RAPGEF5: variants seen among roughly 807,000 people sequenced by gnomAD.
The protein encoded by RAPGEF5 is Rap guanine nucleotide exchange factor 5, also known as M-Ras-regulated GEF.
A neutral mutation model predicts 125.2 loss-of-function variants in RAPGEF5; 65 were observed. The ratio of observed to expected loss-of-function variants is 0.52; its 90% confidence interval spans 0.43 to 0.64. The LOEUF (loss-of-function observed/expected upper bound fraction) is 0.64, where lower values mean the gene tolerates loss of function less well. Among genes scored for constraint, RAPGEF5 ranks in the 30% least tolerant of loss-of-function variants. The pLI, the probability that RAPGEF5 is intolerant of heterozygous loss-of-function variation, is 0.00. For synonymous variants in RAPGEF5, 391 were observed against 385.9 expected, an observed-to-expected ratio of 1.01 and a Z score of -0.16; for missense variants, 958 against 1,048.1, an observed-to-expected ratio of 0.91 and a Z score of 1.19.
rs964350021 is a variant in RAPGEF5 at position 22,276,615 on chromosome 7, G to A, written c.748-9603C>T. Among the ~76,000 whole-genome samples the A allele has an allele frequency of 1.9e-4, 29 of 152,152 alleles. 1 individual carries two copies. Among genetic ancestry groups the A allele is most frequent in the Admixed American group, 6.5e-5 (1 of 15,270 alleles). ...GACTGTTTCCAGCTAGAAATTCTAC[G>A]CATAAAAACTGCTAACAAGTGAAGC... On this transcript the variant is annotated intron_variant, in intron 6 of 25. Transcript: ENST00000665637.
intron 7 of RAPGEF5, among the ~76,000 whole-genome samples, chr7:22,260,192 A>G (rs1402320417): frequency 6.6e-6 from 1 of 152,202 alleles, no homozygotes; most frequent in Non-Finnish European, 1.5e-5. Context: ...TCTGTATGAC[A>G]CTATAATGGT....
chr7:22,248,761 G>A (rs142141310), intron 7 of RAPGEF5, among the ~76,000 whole-genome samples: 224 of 152,310 alleles, frequency 1.5e-3, no homozygotes, highest in African/African-American at 4.7e-3. Flanking sequence ...CCGGAACTAG[G>A]AGGTAGGAAA....
chr7:22,130,776 T>C (rs1371691281), intron 24 of RAPGEF5, among the ~76,000 whole-genome samples: 1 of 152,208 alleles, frequency 6.6e-6, no homozygotes, highest in Non-Finnish European at 1.5e-5. Context: ...CTTATCATAT[T>C]CCATTTTTAA....
At chr7:22,266,593 A>G (rs1782287852) in intron 7 of RAPGEF5, among the ~76,000 whole-genome samples, 1 of 152,106 alleles carries the variant, frequency 6.6e-6, no homozygotes, top group African/African-American at 2.4e-5. Context: ...AAAAAAGACC[A>G]CCTCTATAGT....
Position 22,272,599 on chromosome 7 carries a change from A to G in RAPGEF5, c.748-5587T>C, listed in dbSNP as rs368769132. ...GAGCCCATTTTTCTCAATTTCCTAA[A>G]CTAAATGTAAGAAGAAACATAATCT... On this transcript the variant is annotated intron_variant, in intron 6 of 25. Coordinates refer to ENST00000665637, the MANE Select transcript of RAPGEF5 (RefSeq NM_012294.5). 2.6e-5 allele frequency among the ~76,000 whole-genome samples: 4 copies of G among 152,248 alleles called. No homozygotes were observed. In the East Asian group the frequency reaches 5.8e-4, roughly 22 times the overall value.
intron 21 of RAPGEF5, chr7:22,139,729 A>G (rs1250082904): frequency 1.2e-5 from 3 of 254,826 alleles, no homozygotes; most frequent in African/African-American, 6.5e-5. Context: ...CAGCAAACGC[A>G]CTTCTGAGCA....
At chr7:22,172,132 G>GT (rs897700798) in intron 11 of RAPGEF5, among the ~76,000 whole-genome samples, 79 of 151,392 alleles carry the variant, frequency 5.2e-4, no homozygotes, top group Admixed American at 2.7e-3. Context: ...ATTTTTGGGG[G>GT]TTTTTTTTGA....
At chr7:22,198,181 T>C (rs926222376) in intron 9 of RAPGEF5, among the ~76,000 whole-genome samples, 2 of 152,114 alleles carry the variant, frequency 1.3e-5, no homozygotes, top group Non-Finnish European at 2.9e-5. Context: ...TAAGAATACA[T>C]TTCAATTGGT....
intron 24 of RAPGEF5, 131 bp from the exon 25 acceptor site, chr7:22,125,789 C>A: frequency 1.2e-6 from 1 of 821,396 alleles, no homozygotes; most frequent in Non-Finnish European, 2.0e-6. Flanking sequence ...GTATTTGGAG[C>A]TGGATGTAGC....
At chr7:22,229,610 C>T (rs949705698) in intron 8 of RAPGEF5, among the ~76,000 whole-genome samples, 4 of 152,174 alleles carry the variant, frequency 2.6e-5, no homozygotes, top group African/African-American at 4.8e-5. Flanking sequence ...TATCTGATGG[C>T]AAAATTCTAA....
At chr7:22,336,263 C>A (rs927172234) in intron 1 of RAPGEF5, among the ~76,000 whole-genome samples, 2 of 152,206 alleles carry the variant, frequency 1.3e-5, no homozygotes, top group African/African-American at 4.8e-5. Flanking sequence ...ATCATGTCCA[C>A]ATATAGTCTC....
chr7:22,221,809 T>G (rs1785796772), intron 8 of RAPGEF5, among the ~76,000 whole-genome samples: 1 of 152,236 alleles, frequency 6.6e-6, no homozygotes, highest in Non-Finnish European at 1.5e-5. Context: ...CAGGTATGTC[T>G]TTATTAGCAG....
chr7:22,268,730 C>G (rs541589621), intron 6 of RAPGEF5, among the ~76,000 whole-genome samples: 5 of 152,276 alleles, frequency 3.3e-5, no homozygotes, highest in Admixed American at 1.3e-4. Flanking sequence ...CACAACGGAT[C>G]GAAACCAGTC....
chr7:22,273,162 T>C lies in RAPGEF5; in HGVS notation c.748-6150A>G, dbSNP rs1300576091. Among the ~76,000 whole-genome samples, 4 of 152,132 alleles carry C rather than the reference T, an allele frequency of 2.6e-5. No individual in the cohort carries two copies. In the East Asian group the frequency reaches 5.8e-4, roughly 22 times the overall value. ...GAGGTGTTTGTTAAGCATGCTGTGA[T>C]GATAAAATGTATCTATCCTTACTCA... On this transcript the variant is annotated intron_variant, in intron 6 of 25. Transcript: ENST00000665637.
At chr7:22,306,253 TA>T (rs1326640325) in intron 5 of RAPGEF5, among the ~76,000 whole-genome samples, 1 of 152,170 alleles carries the variant, frequency 6.6e-6, no homozygotes, top group Non-Finnish European at 1.5e-5. Context: ...CTTTTGAATA[TA>T]AGCCATTTTA....
chr7:22,243,664 C>A (rs1197154264), intron 7 of RAPGEF5, among the ~76,000 whole-genome samples: 1 of 152,082 alleles, frequency 6.6e-6, no homozygotes, highest in East Asian at 1.9e-4. Flanking sequence ...CAATAGGATG[C>A]TTTGATGTAT....
At chr7:22,124,447 A>T (rs1416751350) in intron 25 of RAPGEF5, among the ~76,000 whole-genome samples, 2 of 152,216 alleles carry the variant, frequency 1.3e-5, no homozygotes, top group African/African-American at 4.8e-5. Flanking sequence ...ATATTTAGAA[A>T]ATTAGGTCCT....
chr7:22,335,101 G>C (rs1784000685), intron 1 of RAPGEF5, among the ~76,000 whole-genome samples: 1 of 152,216 alleles, frequency 6.6e-6, no homozygotes, highest in Non-Finnish European at 1.5e-5. Context: ...GAGGAACACT[G>C]AGAAGAGGCA....
intron 1 of RAPGEF5, among the ~76,000 whole-genome samples, chr7:22,339,134 A>C (rs1784080141): frequency 6.6e-6 from 1 of 152,228 alleles, no homozygotes; most frequent in African/African-American, 2.4e-5. Flanking sequence ...GTGAGCATGC[A>C]TACAACTTCA....
Sources: gnomAD v4.1 joint callset for allele counts (sites outside exome capture counted in the v4.1 genomes callset) on GRCh38, gnomAD v4.1.1 for gene constraint, MANE v1.5 for transcripts, NCBI Gene and HGNC (gene_info 2026-07-23, HGNC 2026-07-21) for gene names.